Variants in PTBP3 observed in about 807,000 individuals in gnomAD.
PTBP3 encodes polypyrimidine tract-binding protein 3.
Under a neutral mutation model 58.7 loss-of-function variants are expected in PTBP3, and 20 were observed. The ratio of observed to expected loss-of-function variants is 0.34; its 90% CI spans 0.24 to 0.50. PTBP3 has a LOEUF of 0.50. PTBP3 is among the 20% of genes least tolerant of loss of function. The pLI is 0.98. For missense variants in PTBP3, 509 were observed against 637.2 expected (o/e 0.80, Z 2.17); for synonymous variants, 185 against 219.8 (o/e 0.84, Z 1.40).
At chr9:112,245,508 A>T (rs1323661999) in intron 7 of PTBP3, among the ~76,000 whole-genome samples, 1 of 151,778 alleles carries the variant, frequency 6.6e-6, no homozygotes, top group Non-Finnish European at 1.5e-5. Flanking sequence ...TTTTTAAAAC[A>T]CACACACACA....
intron 2 of PTBP3, among the ~76,000 whole-genome samples, chr9:112,279,392 G>T (rs1025391172): frequency 6.6e-6 from 1 of 152,146 alleles, no homozygotes; most frequent in Non-Finnish European, 1.5e-5. Flanking sequence ...GTGGAAGAGG[G>T]TTTTTAAAAA....
intron 3 of PTBP3, among the ~76,000 whole-genome samples, chr9:112,270,143 C>T (rs539054682): frequency 2.7e-4 from 41 of 152,122 alleles, no homozygotes; most frequent in African/African-American, 8.7e-4. Context: ...GACAGGGAGT[C>T]GCCATGAAGG....
intron 1 of PTBP3, among the ~76,000 whole-genome samples, chr9:112,322,906 A>T (rs577250549): frequency 6.6e-6 from 1 of 152,362 alleles, no homozygotes; most frequent in East Asian, 1.9e-4. Flanking sequence ...GCTTGCAACC[A>T]TGGGTGGAAC....
At chr9:112,321,082 C>G (rs1829927755) in intron 1 of PTBP3, among the ~76,000 whole-genome samples, 1 of 152,136 alleles carries the variant, frequency 6.6e-6, no homozygotes. Flanking sequence ...AAACAAGCCA[C>G]AGACAGGAAA....
chr9:112,285,316 G>T (rs1016711650), intron 2 of PTBP3, among the ~76,000 whole-genome samples: 4 of 152,204 alleles, frequency 2.6e-5, no homozygotes, highest in Non-Finnish European at 4.4e-5. Context: ...TGCCATGATT[G>T]TAAGTTTCCT....
chr9:112,275,464 T>C (rs771907954), intron 3 of PTBP3, among the ~76,000 whole-genome samples: 21 of 152,202 alleles, frequency 1.4e-4, no homozygotes, highest in Non-Finnish European at 2.1e-4. Flanking sequence ...ATCTAGATTT[T>C]TGAAAACTTA....
chr9:112,233,009 A>C (rs1292167722), intron 8 of PTBP3, among the ~76,000 whole-genome samples: 1 of 151,960 alleles, frequency 6.6e-6, no homozygotes, highest in Non-Finnish European at 1.5e-5. Context: ...TTCACCACAA[A>C]TCATGTAATT....
the PTBP3 span, among the ~76,000 whole-genome samples, chr9:112,373,635 C>A: frequency 2.0e-5 from 3 of 152,228 alleles, no homozygotes; most frequent in African/African-American, 7.2e-5. Context: ...CATACGTAAT[C>A]TTCAAATAAA....
intron 1 of PTBP3, among the ~76,000 whole-genome samples, chr9:112,301,376 T>C (rs888474026): frequency 6.0e-5 from 9 of 150,672 alleles, no homozygotes; most frequent in African/African-American, 2.0e-4. Context: ...GTGGAAAAAA[T>C]AGATCTCTCA....
chr9:112,312,274 C>T (rs1280796238), intron 1 of PTBP3, among the ~76,000 whole-genome samples: 1 of 151,864 alleles, frequency 6.6e-6, no homozygotes, highest in African/African-American at 2.4e-5. Context: ...CTTAAGGCCA[C>T]GAGTTCGAGA....
the PTBP3 span, among the ~76,000 whole-genome samples, chr9:112,345,341 TAAAAAAAAAAAAA>T: frequency 7.8e-5 from 5 of 63,696 alleles, 1 homozygote; most frequent in East Asian, 1.6e-3. Flanking sequence ...CCCTCATCTC[TAAAAAAAAAAAAA>T]AAAAAAAAAA....
At position 112,224,220 on chromosome 9, in the gene PTBP3, C is replaced by T; in HGVS notation, c.1365-10G>A. Reference sequence around the variant, plus strand: ...CACTGTAACAGAAGGGCTGTGAAAACATCAGAGGGAGTCAACTACCTGGGC... The same window carrying T: ...CACTGTAACAGAAGGGCTGTGAAAATATCAGAGGGAGTCAACTACCTGGGC... On this transcript the variant is annotated splice_polypyrimidine_tract_variant and intron_variant, in intron 12 of 13. Transcript: ENST00000374257. 1 of 1,506,098 alleles carries T rather than the reference C, an allele frequency of 6.6e-7. No individual in the cohort carries two copies. The highest frequency in any genetic ancestry group is 8.9e-7 in the Non-Finnish European group (1 of 1,126,848). The allele number at this position is 1,506,098 out of a possible 1,614,324, so 93.3% of individuals were successfully genotyped here.
chr9:112,359,012 AT>A, the PTBP3 span, among the ~76,000 whole-genome samples: 1 of 152,212 alleles, frequency 6.6e-6, no homozygotes, highest in African/African-American at 2.4e-5. Context: ...AATTTTTATA[AT>A]TTTTTGTAGA....
At chr9:112,246,561 C>T (rs555084328) in intron 7 of PTBP3, among the ~76,000 whole-genome samples, 1 of 151,574 alleles carries the variant, frequency 6.6e-6, no homozygotes, top group South Asian at 2.1e-4. Flanking sequence ...GGCATAGTGG[C>T]GGGCACCTGT....
chr9:112,356,183 C>T, the PTBP3 span, among the ~76,000 whole-genome samples: 136,322 of 152,018 alleles, frequency 0.9, 61,158 homozygotes, highest in Middle Eastern at 0.93. Flanking sequence ...TTCACCATGT[C>T]GACCAGGCCA....
chr9:112,330,477 G>A, intron 1 of PTBP3: 2 of 1,522,738 alleles, frequency 1.3e-6, no homozygotes, highest in Non-Finnish European at 9.0e-7. Context: ...TAACAACACT[G>A]TATGGAAAAA....
the PTBP3 span, among the ~76,000 whole-genome samples, chr9:112,341,227 G>A: frequency 1.1e-4 from 17 of 152,138 alleles, no homozygotes; most frequent in Non-Finnish European, 2.2e-4. Context: ...CACCTCCTGG[G>A]TTCAAGTGAT....
Position 112,232,165 on chromosome 9 carries a change from C to T in PTBP3, c.954G>A (p.Met318Ile), listed in dbSNP as rs1589801457. Residue 318 changes from methionine (M) to isoleucine (I), a missense_variant, in exon 9 of 14, where the codon ATG (methionine) becomes ATA (isoleucine). Met to Ile is a conservative substitution (Grantham distance 10). Around this residue, in one of 4 missense-constraint regions of PTBP3, gnomAD observed 121 missense variants for 114.8 expected, o/e 1.05. Transcript: ENST00000374257. ...TITSSAVTGR[M>I]AIPGASGIPG... is the part of the protein sequence containing the mutation. ...GTATACCACTAGCCCCAGGAATGGC[C>T]ATCCTTCCAGTGACAGCAGAAGAGG... The T allele has an allele frequency of 1.2e-6, 2 of 1,613,206 alleles. No homozygotes were observed. Among genetic ancestry groups the T allele is most frequent in the Non-Finnish European group, 8.5e-7 (1 of 1,179,258 alleles).
intron 7 of PTBP3, among the ~76,000 whole-genome samples, chr9:112,237,643 C>T (rs1425839616): frequency 6.6e-6 from 1 of 152,100 alleles, no homozygotes; most frequent in African/African-American, 2.4e-5. Flanking sequence ...TAACTAGGCC[C>T]AAACTCTAAC....
Sources: gnomAD v4.1 joint callset for allele counts (sites outside exome capture counted in the v4.1 genomes callset) on GRCh38, gnomAD v4.1.1 for gene constraint, gnomAD v4.1.1 regional missense constraint, MANE v1.5 for transcripts, NCBI Gene and HGNC (gene_info 2026-07-23, HGNC 2026-07-21) for gene names.